The following LRP1B variants were observed in gnomAD, a reference collection of about 807,000 sequenced individuals.
The protein encoded by LRP1B is LDL receptor related protein 1B, also known as low-density lipoprotein receptor-related protein 1B.
LRP1B carries 217 observed loss-of-function variants against 556.6 expected under a neutral mutation model. That is an observed-to-expected ratio of 0.39 (90% CI 0.35 to 0.44). LRP1B has a LOEUF of 0.44. Among genes scored for constraint, LRP1B ranks in the 20% least tolerant of loss-of-function variants. The probability of loss-of-function intolerance (pLI) is 1.00; values close to 1 mark genes in which losing one functional copy is unlikely to be tolerated. For missense variants in LRP1B, 5,053 were observed against 5,620.8 expected (o/e 0.90, Z 3.23); for synonymous variants, 2,047 against 1,865.8 (o/e 1.10, Z -2.50).
intron 53 of LRP1B, among the ~76,000 whole-genome samples, chr2:140,505,793 G>T (rs1295005080): frequency 3.3e-5 from 5 of 152,148 alleles, no homozygotes. Flanking sequence ...ACAAAGGCAG[G>T]CACTAAATCT....
At chr2:141,463,567 ATATATTATATATAAT>A (rs1682010444) in intron 3 of LRP1B, among the ~76,000 whole-genome samples, 2 of 79,602 alleles carry the variant, frequency 2.5e-5, no homozygotes, top group South Asian at 3.8e-4. Context: ...AATATATATT[ATATATTATATATAAT>A]TATATATAAT....
intron 43 of LRP1B, among the ~76,000 whole-genome samples, chr2:140,585,181 T>C (rs188873634): frequency 6.6e-6 from 1 of 152,242 alleles, no homozygotes; most frequent in African/African-American, 2.4e-5. Context: ...ATTTTAAACT[T>C]GGTTTATTTT....
chr2:140,976,503 C>CTTTTTT (rs1216208854), intron 18 of LRP1B, among the ~76,000 whole-genome samples: 27 of 105,356 alleles, frequency 2.6e-4, no homozygotes, highest in Non-Finnish European at 3.2e-4. Context: ...TTTTTTTTTC[C>CTTTTTT]TTTTTTTTTT....
intron 1 of LRP1B, among the ~76,000 whole-genome samples, chr2:141,995,556 A>G (rs574067740): frequency 1.3e-5 from 2 of 152,238 alleles, no homozygotes; most frequent in Admixed American, 6.5e-5. Context: ...TTTAATTCAC[A>G]TACTCACAGG....
intron 7 of LRP1B, among the ~76,000 whole-genome samples, chr2:141,144,476 G>A (rs1310752694): frequency 6.6e-6 from 1 of 152,154 alleles, no homozygotes; most frequent in Non-Finnish European, 1.5e-5. Context: ...ATCTCTCATT[G>A]TTCCTTTCAT....
intron 63 of LRP1B, 53 bp downstream of exon 63, chr2:140,450,515 T>C: frequency 1.5e-6 from 2 of 1,349,048 alleles, no homozygotes; most frequent in Non-Finnish European, 2.1e-6. Context: ...TTTCCAGGTC[T>C]GGGATATAAG....
intron 1 of LRP1B, among the ~76,000 whole-genome samples, chr2:141,868,005 T>A (rs957796657): frequency 6.6e-5 from 10 of 152,150 alleles, no homozygotes; most frequent in Non-Finnish European, 1.5e-4. Context: ...TCCATTACCA[T>A]CATCTCCAAG....
At chr2:140,354,758 G>A (rs909431017) in intron 75 of LRP1B, among the ~76,000 whole-genome samples, 14 of 152,008 alleles carry the variant, frequency 9.2e-5, no homozygotes, top group Admixed American at 9.2e-4. Flanking sequence ...CACATGCCTA[G>A]TACCCAAAAC....
At chr2:142,118,094 G>C (rs1707335685) in intron 1 of LRP1B, among the ~76,000 whole-genome samples, 1 of 151,998 alleles carries the variant, frequency 6.6e-6, no homozygotes, top group African/African-American at 2.4e-5. Context: ...GCCTGCAGAA[G>C]GGAAGAAAAA....
intron 1 of LRP1B, among the ~76,000 whole-genome samples, chr2:142,001,524 C>T (rs1702653274): frequency 1.3e-5 from 2 of 152,130 alleles, no homozygotes; most frequent in African/African-American, 4.8e-5. Flanking sequence ...TGCAAAAACA[C>T]ACTTGAAAAC....
At chr2:140,695,510 G>A (rs536033153) in intron 41 of LRP1B, among the ~76,000 whole-genome samples, 5 of 152,258 alleles carry the variant, frequency 3.3e-5, no homozygotes, top group African/African-American at 9.6e-5. Context: ...TAGCATCTAT[G>A]TAGCCTGGAA....
chr2:140,417,834 A>C (rs958152782), intron 66 of LRP1B, among the ~76,000 whole-genome samples: 6 of 152,210 alleles, frequency 3.9e-5, no homozygotes, highest in African/African-American at 1.4e-4. Context: ...TCAGCAATAC[A>C]TTACATGCCT....
chr2:141,217,351 G>T (rs750649080), intron 6 of LRP1B, among the ~76,000 whole-genome samples: 1 of 152,140 alleles, frequency 6.6e-6, no homozygotes, highest in Non-Finnish European at 1.5e-5. Context: ...ATAATTGGGT[G>T]TGATGGTAAT....
intron 2 of LRP1B, among the ~76,000 whole-genome samples, chr2:141,597,495 A>G (rs931645977): frequency 2.0e-5 from 3 of 152,088 alleles, no homozygotes; most frequent in Admixed American, 1.3e-4. Context: ...GTCAACTCAT[A>G]TTCTAAACTT....
chr2:141,401,049 A>G (rs1690433962), intron 3 of LRP1B, among the ~76,000 whole-genome samples: 1 of 152,178 alleles, frequency 6.6e-6, no homozygotes. Flanking sequence ...CACCTTTTTA[A>G]AAGCTGGCAA....
At chr2:141,358,488 G>A (rs1178960296) in intron 3 of LRP1B, among the ~76,000 whole-genome samples, 6 of 152,162 alleles carry the variant, frequency 3.9e-5, no homozygotes, top group Admixed American at 3.9e-4. Flanking sequence ...TATCAGGTGA[G>A]ATACCCTGAA....
At chr2:140,360,157 A>G (rs1385382304) in intron 72 of LRP1B, among the ~76,000 whole-genome samples, 1 of 151,640 alleles carries the variant, frequency 6.6e-6, no homozygotes, top group Non-Finnish European at 1.5e-5. Context: ...AATTTCCTTG[A>G]GAATACAATT....
chr2:141,956,378 C>T (rs1701253344), intron 1 of LRP1B, among the ~76,000 whole-genome samples: 1 of 151,970 alleles, frequency 6.6e-6, no homozygotes, highest in African/African-American at 2.4e-5. Context: ...ATTGGCAATC[C>T]AGTTTACACT....
At chr2:141,050,233 C>T (rs1017054526) in intron 10 of LRP1B, among the ~76,000 whole-genome samples, 3 of 151,308 alleles carry the variant, frequency 2.0e-5, no homozygotes, top group Admixed American at 1.3e-4. Context: ...TATTTATAAA[C>T]CTAACAATAC....
Sources: allele counts gnomAD v4.1 joint callset (sites outside exome capture counted in the v4.1 genomes callset), GRCh38; gene constraint gnomAD v4.1.1; transcripts MANE v1.5; gene names NCBI Gene and HGNC (gene_info 2026-07-23, HGNC 2026-07-21).